Variants in GSE1 observed in about 807,000 individuals in gnomAD.
GSE1 encodes the protein genetic suppressor element 1.
In GSE1, 32 loss-of-function variants were observed where a neutral mutation model predicts 112.6. The ratio of observed to expected loss-of-function variants is 0.28; its 90% CI spans 0.21 to 0.38. GSE1 has a LOEUF of 0.38. Ranked by LOEUF, GSE1 falls within the 10% of genes least tolerant of loss-of-function variation. GSE1 has a pLI of 1.00. For missense variants in GSE1, 2,348 were observed against 1,699.2 expected, an observed-to-expected ratio of 1.38 and a Z score of -6.71; for synonymous variants, 1,115 against 735.6, an observed-to-expected ratio of 1.52 and a Z score of -8.35.
At chr16:85,339,801 C>T (rs1293799045) in intron 1 of GSE1, among the ~76,000 whole-genome samples, 4 of 152,096 alleles carry the variant, frequency 2.6e-5, no homozygotes, top group South Asian at 2.1e-4. Context: ...TGGTGACTTT[C>T]GTGTTTGCCT....
At chr16:85,590,300 G>GAA (rs1567622209) in intron 1 of GSE1, among the ~76,000 whole-genome samples, 1 of 151,182 alleles carries the variant, frequency 6.6e-6, no homozygotes, top group East Asian at 1.9e-4. Flanking sequence ...CTGTGTGTGT[G>GAA]AACGCATGGG....
intron 2 of GSE1, among the ~76,000 whole-genome samples, chr16:85,361,897 G>A (rs1333931484): frequency 3.3e-5 from 5 of 152,268 alleles, no homozygotes; most frequent in Non-Finnish European, 7.3e-5. Context: ...TCAGACTTGC[G>A]TCACTACGGT....
chr16:85,570,863 T>A (rs2045953624), intron 1 of GSE1, among the ~76,000 whole-genome samples: 1 of 152,216 alleles, frequency 6.6e-6, no homozygotes, highest in Non-Finnish European at 1.5e-5. Context: ...CGCAAGCCAC[T>A]GACTCCAAGT....
At chr16:85,204,731 T>C (rs1028735588) in intron 1 of GSE1, among the ~76,000 whole-genome samples, 1 of 152,240 alleles carries the variant, frequency 6.6e-6, no homozygotes, top group East Asian at 1.9e-4. Flanking sequence ...TCTTGGGGAC[T>C]CCTGTTTCCC....
chr16:85,565,421 A>G (rs2045703954), intron 1 of GSE1, among the ~76,000 whole-genome samples: 1 of 151,842 alleles, frequency 6.6e-6, no homozygotes, highest in East Asian at 1.9e-4. Context: ...AAAAACAAAA[A>G]AACCACCAAC....
chr16:85,455,882 C>T (rs1265718593), intron 2 of GSE1, among the ~76,000 whole-genome samples: 2 of 152,254 alleles, frequency 1.3e-5, no homozygotes, highest in Non-Finnish European at 2.9e-5. Flanking sequence ...TGGCCTAATG[C>T]CCTTCCCTCC....
chr16:85,207,664 T>C (rs1186080182), intron 1 of GSE1: 2 of 152,276 alleles, frequency 1.3e-5, no homozygotes, highest in Admixed American at 6.5e-5. Context: ...GGCTCTGCCG[T>C]TGACCAGCGG....
chr16:85,177,231 C>A (rs1053631283), intron 1 of GSE1, among the ~76,000 whole-genome samples: 5 of 152,228 alleles, frequency 3.3e-5, no homozygotes, highest in Non-Finnish European at 5.9e-5. Context: ...CCTGGTTCCT[C>A]CTCTGCTTAG....
chr16:85,189,423 C>A (rs923585711), intron 1 of GSE1, among the ~76,000 whole-genome samples: 2 of 152,178 alleles, frequency 1.3e-5, no homozygotes, highest in Non-Finnish European at 2.9e-5. Flanking sequence ...TCCTTGCCAG[C>A]TGTGGGAGTG....
At chr16:85,500,183 C>T (rs1044923678) in intron 2 of GSE1, among the ~76,000 whole-genome samples, 1 of 152,200 alleles carries the variant, frequency 6.6e-6, no homozygotes, top group African/African-American at 2.4e-5. Context: ...CAGAGCGAGG[C>T]CCGCTCAGTC....
chr16:85,251,371 G>C (rs914454373), intron 1 of GSE1, among the ~76,000 whole-genome samples: 2 of 152,262 alleles, frequency 1.3e-5, no homozygotes, highest in Non-Finnish European at 2.9e-5. Context: ...CACAGAGTAG[G>C]TGCCCAGGAA....
intron 2 of GSE1, among the ~76,000 whole-genome samples, chr16:85,475,088 G>A (rs546664166): frequency 4.6e-5 from 7 of 152,206 alleles, no homozygotes; most frequent in African/African-American, 1.2e-4. Context: ...AACACTCCCC[G>A]ATGGGTTAAT....
At chr16:85,624,338 C>A (rs1428078630) in intron 1 of GSE1, among the ~76,000 whole-genome samples, 1 of 152,214 alleles carries the variant, frequency 6.6e-6, no homozygotes, top group Non-Finnish European at 1.5e-5. Context: ...GCTCTGGTGC[C>A]ATGGGCTACA....
intron 1 of GSE1, among the ~76,000 whole-genome samples, chr16:85,338,270 C>G (rs1406838040): frequency 6.6e-6 from 1 of 152,250 alleles, no homozygotes; most frequent in East Asian, 1.9e-4. Flanking sequence ...TTGCCTTCAC[C>G]TCTGGGTGCA....
At chr16:85,336,428 G>A (rs980587044) in intron 1 of GSE1, among the ~76,000 whole-genome samples, 3 of 152,212 alleles carry the variant, frequency 2.0e-5, no homozygotes, top group African/African-American at 7.2e-5. Flanking sequence ...AGTCGGTGGC[G>A]TTCAGCACAG....
Position 85,674,627 on chromosome 16 carries a change from AAATGGC to A in GSE1, c.*2089_*2094del. ...ATCACAGATGTCTGGATGCTTTTGG[AAATGGC>A]CTTGGCTAAAGTAAAAGGGAAAAGT... On this transcript the variant is annotated 3_prime_UTR_variant, in exon 16 of 16. Coordinates refer to ENST00000253458, the MANE Select transcript of GSE1 (RefSeq NM_014615.5). 1 of 152,260 alleles carries A rather than the reference AAATGGC, an allele frequency of 6.6e-6. No homozygotes were observed. Among genetic ancestry groups the A allele is most frequent in the Non-Finnish European group, 1.5e-5 (1 of 68,054 alleles). The allele number at this position is 152,260 out of a possible 1,614,324, so 9.4% of individuals were successfully genotyped here.
At chr16:85,331,568 T>C (rs971277827) in intron 1 of GSE1, among the ~76,000 whole-genome samples, 32 of 102,184 alleles carry the variant, frequency 3.1e-4, no homozygotes, top group Non-Finnish European at 5.9e-4. Context: ...TATATGTGTA[T>C]ATATGTGTAC....
At chr16:85,466,412 C>T (rs761168730) in intron 2 of GSE1, among the ~76,000 whole-genome samples, 13 of 152,214 alleles carry the variant, frequency 8.5e-5, no homozygotes, top group Admixed American at 2.6e-4. Flanking sequence ...TGCCAGCGCC[C>T]GTGGGCCCAG....
At chr16:85,625,566 C>T (rs2049013696) in intron 1 of GSE1, among the ~76,000 whole-genome samples, 2 of 152,126 alleles carry the variant, frequency 1.3e-5, no homozygotes, top group South Asian at 2.1e-4. Flanking sequence ...GTTGTGTGGA[C>T]GTCTCCCGAG....
Sources: gnomAD v4.1 joint callset for allele counts (sites outside exome capture counted in the v4.1 genomes callset) on GRCh38, gnomAD v4.1.1 for gene constraint, MANE v1.5 for transcripts, NCBI Gene and HGNC (gene_info 2026-07-23, HGNC 2026-07-21) for gene names.